Variants in DGKH observed in about 807,000 individuals in gnomAD.
DGKH encodes the protein DAG kinase eta.
A neutral mutation model predicts 159.3 loss-of-function variants in DGKH; 90 were observed. That is an observed-to-expected ratio of 0.57 (90% CI 0.48 to 0.67). DGKH has a LOEUF of 0.67. Ranked by LOEUF, DGKH falls within the 30% of genes least tolerant of loss-of-function variation. The pLI, the probability that DGKH is intolerant of heterozygous loss-of-function variation, is 0.00. For missense variants in DGKH, 1,181 were observed against 1,506.1 expected (o/e 0.78, Z 3.57); for synonymous variants, 536 against 553.8 (o/e 0.97, Z 0.45).
intron 5 of DGKH, among the ~76,000 whole-genome samples, chr13:42,158,289 A>G (rs545126915): frequency 6.6e-6 from 1 of 152,376 alleles, no homozygotes; most frequent in South Asian, 2.1e-4. Context: ...CATGAAAAGG[A>G]GATACCTTTC....
At chr13:42,143,007 C>G (rs546443589) in intron 3 of DGKH, among the ~76,000 whole-genome samples, 4,791 of 152,180 alleles carry the variant, frequency 0.031, 250 homozygotes, top group African/African-American at 0.11. Flanking sequence ...AGTTTTTGCC[C>G]ATTCAGTATG....
At chr13:42,041,901 G>T (rs1341314987) in intron 1 of DGKH, among the ~76,000 whole-genome samples, 1 of 152,340 alleles carries the variant, frequency 6.6e-6, no homozygotes, top group African/African-American at 2.4e-5. Flanking sequence ...CTCCGAGTCT[G>T]CTCAGGCCGG....
At chr13:42,208,896 A>G (rs1483882481) in intron 21 of DGKH, 63 bp from the exon 22 acceptor site, 1 of 889,744 alleles carries the variant, frequency 1.1e-6, no homozygotes, top group Non-Finnish European at 1.7e-6. Context: ...ATTGCAGTTT[A>G]CATTGCTTAA....
intron 1 of DGKH, among the ~76,000 whole-genome samples, chr13:42,056,283 G>T (rs2137655041): frequency 6.6e-6 from 1 of 151,732 alleles, no homozygotes; most frequent in Middle Eastern, 3.4e-3. Flanking sequence ...TTTGTTATGA[G>T]GCTATTTGGG....
At position 42,221,405 on chromosome 13, in the gene DGKH, T is replaced by C. The variant is rs377458256; in HGVS notation, c.3573+11T>C. On this transcript the variant is annotated intron_variant, in intron 29 of 29. Transcript: ENST00000337343. ...AGGCGAGATCTTAAGGTATTTCCTT[T>C]GTGCTCTTCTGTTCTTGAAAATTTT... is the stretch of plus-strand genomic sequence containing the variant. The C allele has an allele frequency of 1.9e-6, 3 of 1,611,716 alleles. 1 individual carries two copies. In the African/African-American group the frequency reaches 4.0e-5, roughly 22 times the overall value.
Position 42,110,563 on chromosome 13 carries a change from A to G in DGKH, c.193-16900A>G, listed in dbSNP as rs148963964. Among the ~76,000 whole-genome samples the G allele has an allele frequency of 8.2e-4, 87 of 106,520 alleles. No individual in the cohort carries two copies. The East Asian group carries it at 0.018, about 22-fold the overall frequency. The allele number at this position is 106,520 out of a possible 152,430, so 69.9% of individuals were successfully genotyped here. The stretch of plus-strand genomic sequence containing the variant: ...GAGTAGGGGCATTTGATAAGGAAGA[A>G]GTAAATTCAGAATTTGAAGGATAAT... On this transcript the variant is annotated intron_variant, in intron 1 of 29. Transcript: ENST00000337343.
Position 42,166,054 on chromosome 13 carries a change from T to C in DGKH, c.959-461T>C, listed in dbSNP as rs1956306338. On this transcript the variant is annotated intron_variant, in intron 8 of 29. Transcript: ENST00000337343. ...TCCTGCAGCCAATTCCCCCAAAATA[T>C]ACAGGGAGGACTGTACTATTATTAA... is the stretch of plus-strand genomic sequence containing the variant. 4.6e-5 allele frequency among the ~76,000 whole-genome samples: 7 copies of C among 152,124 alleles called. No individual in the cohort carries two copies. The South Asian group carries it at 1.4e-3, about 31-fold the overall frequency.
intron 1 of DGKH, among the ~76,000 whole-genome samples, chr13:42,078,493 T>A (rs537886170): frequency 2.6e-5 from 4 of 152,326 alleles, no homozygotes; most frequent in African/African-American, 9.6e-5. Context: ...TTACTTCACT[T>A]TCACCTTTCA....
intron 20 of DGKH, among the ~76,000 whole-genome samples, chr13:42,203,495 A>G (rs1170104): frequency 0.38 from 58,099 of 152,094 alleles, 11,877 homozygotes; most frequent in East Asian, 0.58. Context: ...GTGAAGCTCT[A>G]AAAGCTTAAG....
chr13:42,051,824 C>G (rs1360023251), intron 1 of DGKH, among the ~76,000 whole-genome samples: 1 of 151,920 alleles, frequency 6.6e-6, no homozygotes, highest in East Asian at 1.9e-4. Flanking sequence ...CGCCACCACA[C>G]CCAGCTAATT....
intron 1 of DGKH, among the ~76,000 whole-genome samples, chr13:42,088,481 G>A (rs1954351995): frequency 6.6e-6 from 1 of 152,074 alleles, no homozygotes; most frequent in African/African-American, 2.4e-5. Flanking sequence ...AACAAAGGAG[G>A]GGAGTTTGAG....
intron 24 of DGKH, among the ~76,000 whole-genome samples, chr13:42,214,271 G>A (rs1957734154): frequency 2.0e-5 from 3 of 152,024 alleles, no homozygotes; most frequent in South Asian, 2.1e-4. Flanking sequence ...GTCTCCCTCT[G>A]ATTTTTAAGC....
intron 1 of DGKH, among the ~76,000 whole-genome samples, chr13:42,085,926 AG>A (rs1043253160): frequency 3.3e-5 from 5 of 151,054 alleles, no homozygotes; most frequent in Admixed American, 6.6e-5. Flanking sequence ...TATTAAACTA[AG>A]TTTTTTTTTT....
chr13:42,243,931 TTGAG>T (rs1299923003), downstream of DGKH, among the ~76,000 whole-genome samples: 2 of 151,838 alleles, frequency 1.3e-5, no homozygotes, highest in African/African-American at 2.4e-5. Context: ...TGAAAGAAGT[TTGAG>T]TGAGAAATAG....
chr13:42,225,632 G>A (rs1406822006), intron 29 of DGKH, among the ~76,000 whole-genome samples: 1 of 151,954 alleles, frequency 6.6e-6, no homozygotes, highest in Non-Finnish European at 1.5e-5. Flanking sequence ...AATTAGCTGG[G>A]CATGGTGGTG....
intron 29 of DGKH, among the ~76,000 whole-genome samples, chr13:42,224,802 G>C (rs1594241026): frequency 6.6e-6 from 1 of 151,654 alleles, no homozygotes; most frequent in African/African-American, 2.4e-5. Flanking sequence ...CCTTCACCTG[G>C]TTAACTCCTG....
At chr13:42,149,797 T>C (rs1955830738) in intron 3 of DGKH, among the ~76,000 whole-genome samples, 1 of 152,186 alleles carries the variant, frequency 6.6e-6, no homozygotes, top group Non-Finnish European at 1.5e-5. Flanking sequence ...AAGATAAGAA[T>C]AGCATGTCGT....
intron 1 of DGKH, among the ~76,000 whole-genome samples, chr13:42,110,303 T>G (rs1270515549): frequency 6.6e-6 from 1 of 152,168 alleles, no homozygotes; most frequent in Non-Finnish European, 1.5e-5. Flanking sequence ...CAAACTGCAT[T>G]CCAGGATAGG....
In DGKH at chr13:42,178,207, A is replaced by G. The variant is rs2138058923; in HGVS notation, c.1525A>G (p.Ile509Val). 4 of 1,596,356 alleles carry G rather than the reference A, an allele frequency of 2.5e-6. No homozygotes were observed. Among genetic ancestry groups the G allele is most frequent in the East Asian group, 2.2e-5 (1 of 44,716 alleles). ...CAATTCTGATGAACATGCAGTGGTC[A>G]TATCTTCTGCCAAGTGAGTTGTGGG... ...ILNSDEHAVV[I>V]SSAKTLCETV... The change falls in exon 13 of 30, where the codon ATA becomes GTA. Residue 509 changes from isoleucine (I) to valine (V), a missense_variant. Around this residue, in one of 5 missense-constraint regions of DGKH, gnomAD observed 369 missense variants for 519.4 expected, o/e 0.71. Coordinates refer to ENST00000337343, the MANE Select transcript of DGKH (RefSeq NM_178009.5).
Sources: allele counts gnomAD v4.1 joint callset (sites outside exome capture counted in the v4.1 genomes callset), GRCh38; gene constraint gnomAD v4.1.1; regional missense constraint gnomAD v4.1.1; transcripts MANE v1.5; gene names NCBI Gene and HGNC (gene_info 2026-07-23, HGNC 2026-07-21).